NTM: variants seen among roughly 807,000 people sequenced by gnomAD.
The protein encoded by NTM is neurotrimin.
Under a neutral mutation model 42.1 loss-of-function variants are expected in NTM, and 13 were observed. That is an observed-to-expected ratio of 0.31 (90% CI 0.20 to 0.49). The LOEUF is 0.49. Among genes scored for constraint, NTM ranks in the 20% least tolerant of loss-of-function variants. The probability of loss-of-function intolerance (pLI) is 0.99; values close to 1 mark genes in which losing one functional copy is unlikely to be tolerated. For synonymous variants in NTM, 187 were observed against 179.2 expected (o/e 1.04, Z -0.35); for missense variants, 373 against 452.8 (o/e 0.82, Z 1.60).
chr11:131,952,118 C>T (rs975333306), intron 2 of NTM, among the ~76,000 whole-genome samples: 1 of 152,100 alleles, frequency 6.6e-6, no homozygotes, highest in South Asian at 2.1e-4. Context: ...TTCCGAAATC[C>T]TGGATACCCC....
intron 1 of NTM, among the ~76,000 whole-genome samples, chr11:131,428,541 G>A (rs569947179): frequency 2.6e-5 from 4 of 152,118 alleles, no homozygotes; most frequent in South Asian, 2.1e-4. Flanking sequence ...CCACCTCCTC[G>A]TGGTCACTCC....
At chr11:132,022,081 G>A (rs1469596132) in intron 2 of NTM, among the ~76,000 whole-genome samples, 1 of 152,180 alleles carries the variant, frequency 6.6e-6, no homozygotes, top group African/African-American at 2.4e-5. Flanking sequence ...ACCATTCAAA[G>A]TAAGTGAGCC....
intron 2 of NTM, among the ~76,000 whole-genome samples, chr11:132,062,877 AG>A (rs2080892214): frequency 1.3e-5 from 2 of 152,122 alleles, no homozygotes; most frequent in Admixed American, 1.3e-4. Context: ...CAGGGTTCTC[AG>A]TCTCTTGTTT....
At chr11:132,145,401 C>CTG (rs36092995) in intron 2 of NTM, among the ~76,000 whole-genome samples, 57,314 of 151,702 alleles carry the variant, frequency 0.38, 11,194 homozygotes, top group Non-Finnish European at 0.43. Flanking sequence ...GATCAGGACA[C>CTG]TGCTTGTAAA....
chr11:132,306,227 T>C (rs1008693307), intron 4 of NTM: 8 of 152,312 alleles, frequency 5.3e-5, no homozygotes, highest in African/African-American at 1.7e-4. Flanking sequence ...TCAACACTGT[T>C]ATGGAACACA....
At chr11:131,390,409 G>A (rs1182757773) in intron 1 of NTM, among the ~76,000 whole-genome samples, 1 of 152,106 alleles carries the variant, frequency 6.6e-6, no homozygotes, top group Non-Finnish European at 1.5e-5. Context: ...ATCAGCAATG[G>A]AGGAACAAGC....
In NTM at chr11:132,311,191, C is replaced by T. The variant is rs982845607; in HGVS notation, c.782+959C>T. On this transcript the variant is annotated intron_variant, in intron 6 of 8. Coordinates refer to ENST00000683400, the MANE Select transcript of NTM (RefSeq NM_001352005.2). ...ACGCTGTGTGCACGTCTTCAGCCAG[C>T]CTTGGCTTTGTTTCCTTATGAGGTC... Among the ~76,000 whole-genome samples the T allele has an allele frequency of 1.3e-5, 2 of 152,184 alleles. 1 individual carries two copies. Among genetic ancestry groups the T allele is most frequent in the East Asian group, 3.9e-4 (2 of 5,174 alleles).
intron 1 of NTM, among the ~76,000 whole-genome samples, chr11:131,572,133 C>T (rs1222404278): frequency 2.0e-5 from 3 of 152,140 alleles, no homozygotes; most frequent in Admixed American, 2.0e-4. Context: ...GCCGGGTGCC[C>T]TCTCGCATGC....
chr11:131,859,504 T>A lies in NTM; in HGVS notation c.83-52060T>A, dbSNP rs148837593. Among the ~76,000 whole-genome samples, 141 of 152,284 alleles carry A rather than the reference T, an allele frequency of 9.3e-4. 1 individual carries two copies. The Middle Eastern group carries it at 0.014, about 15-fold the overall frequency. ...TTATCTTTCTCCCATTTTAACCATA[T>A]TTTACAAGTCTAACAAGACTTGAGA... is the stretch of plus-strand genomic sequence containing the variant. On this transcript the variant is annotated intron_variant, in intron 1 of 8. Coordinates refer to ENST00000683400, the MANE Select transcript of NTM (RefSeq NM_001352005.2).
At chr11:131,678,251 G>A (rs1196554623) in intron 1 of NTM, among the ~76,000 whole-genome samples, 1 of 152,214 alleles carries the variant, frequency 6.6e-6, no homozygotes, top group Non-Finnish European at 1.5e-5. Flanking sequence ...CACACCCTGG[G>A]CACTCGTGAG....
chr11:131,761,691 C>A (rs2084208089), intron 1 of NTM, among the ~76,000 whole-genome samples: 2 of 151,932 alleles, frequency 1.3e-5, no homozygotes, highest in African/African-American at 2.4e-5. Context: ...TCCCTGTAAT[C>A]CCAGCTACTC....
At chr11:131,580,810 T>C (rs1240394490) in intron 1 of NTM, among the ~76,000 whole-genome samples, 1 of 152,180 alleles carries the variant, frequency 6.6e-6, no homozygotes, top group Non-Finnish European at 1.5e-5. Context: ...CTTGTAGAGA[T>C]GAAAAAAGAA....
chr11:131,407,872 C>A (rs1945972030), intron 1 of NTM, among the ~76,000 whole-genome samples: 1 of 152,184 alleles, frequency 6.6e-6, no homozygotes, highest in Non-Finnish European at 1.5e-5. Flanking sequence ...TGAACTGTGC[C>A]TTTTAATAAA....
intron 1 of NTM, among the ~76,000 whole-genome samples, chr11:131,432,923 C>T (rs745341626): frequency 2.1e-5 from 3 of 139,546 alleles, no homozygotes; most frequent in African/African-American, 8.2e-5. Context: ...GGCGCGATCA[C>T]AGCTCACTGC....
At chr11:131,685,577 G>T (rs116290176) in intron 1 of NTM, among the ~76,000 whole-genome samples, 5,014 of 152,178 alleles carry the variant, frequency 0.033, 274 homozygotes, top group African/African-American at 0.11. Context: ...GCAGTGCTCC[G>T]CCCCCTCGTA....
In NTM at chr11:132,146,031, A is replaced by G. The variant is rs189714945; in HGVS notation, c.168-251A>G. 6.6e-6 allele frequency among the ~76,000 whole-genome samples: 1 copy of G among 152,336 alleles called. No homozygotes were observed. The highest frequency in any genetic ancestry group is 6.5e-5 in the Admixed American group (1 of 15,298). ...TGGGCATGCAAGGTACCTCTAGGTTATAACTGAGATCGTATTTGAAGTGGT... is the reference window on the plus strand; with the variant it reads ...TGGGCATGCAAGGTACCTCTAGGTTGTAACTGAGATCGTATTTGAAGTGGT... On this transcript the variant is annotated intron_variant, in intron 2 of 8. Transcript: ENST00000683400. This position sits in a 1 kb window ranked among gnomAD's most constrained non-coding sequence, Gnocchi z 4.5.
chr11:131,524,269 A>T (rs1399095891), intron 1 of NTM, among the ~76,000 whole-genome samples: 1 of 152,176 alleles, frequency 6.6e-6, no homozygotes, highest in Non-Finnish European at 1.5e-5. Context: ...ATGTTTCTAC[A>T]CGATCTTTCC....
intron 2 of NTM, among the ~76,000 whole-genome samples, chr11:132,141,265 C>T (rs372975135): frequency 1.2e-4 from 18 of 151,898 alleles, no homozygotes; most frequent in African/African-American, 4.3e-4. Flanking sequence ...CTCTCTCCCC[C>T]CTACCCCTCT....
chr11:131,859,634 C>G (rs1222116512), intron 1 of NTM, among the ~76,000 whole-genome samples: 4 of 152,160 alleles, frequency 2.6e-5, no homozygotes, highest in Non-Finnish European at 5.9e-5. Flanking sequence ...TCTATAACCG[C>G]TCTTTCCCTT....
Sources: allele counts gnomAD v4.1 joint callset (sites outside exome capture counted in the v4.1 genomes callset), GRCh38; gene constraint gnomAD v4.1.1; non-coding constraint Gnocchi (gnomAD v3.1); transcripts MANE v1.5; gene names NCBI Gene and HGNC (gene_info 2026-07-23, HGNC 2026-07-21).